Variants in FAM20C observed in about 807,000 individuals in gnomAD.
The protein encoded by FAM20C is extracellular serine/threonine protein kinase FAM20C.
FAM20C carries 40 observed loss-of-function variants against 51.5 expected under a neutral mutation model. The ratio of observed to expected loss-of-function variants is 0.78; its 90% CI spans 0.60 to 1.01. The LOEUF (loss-of-function observed/expected upper bound fraction) is 1.01, where lower values mean the gene tolerates loss of function less well. Among genes scored for constraint, FAM20C ranks in the 50% least tolerant of loss-of-function variants. FAM20C has a pLI of 0.00. For missense variants in FAM20C, 861 were observed against 844.7 expected (o/e 1.02, Z -0.24); for synonymous variants, 406 against 380.6 (o/e 1.07, Z -0.78).
At chr7:228,773 C>T (rs1235381022) in intron 3 of FAM20C, 7 of 456,120 alleles carry the variant, frequency 1.5e-5, no homozygotes, top group South Asian at 3.1e-5. Flanking sequence ...ACAGACGCCA[C>T]GACTCTCACG....
At chr7:258,160 GCA>G (rs1788696116) in intron 8 of FAM20C, among the ~76,000 whole-genome samples, 2 of 111,164 alleles carry the variant, frequency 1.8e-5, no homozygotes, top group African/African-American at 8.5e-5. Flanking sequence ...CTGGAGATAG[GCA>G]GGGTGGACCC....
chr7:223,988 G>A (rs60408385), intron 3 of FAM20C, among the ~76,000 whole-genome samples: 51,551 of 151,442 alleles, frequency 0.34, 9,243 homozygotes, highest in East Asian at 0.5. Context: ...TGTCTGCCCC[G>A]GGCTCCCGGC....
chr7:242,724 C>T (rs1229338050), intron 3 of FAM20C, among the ~76,000 whole-genome samples: 1 of 152,176 alleles, frequency 6.6e-6, no homozygotes, highest in East Asian at 1.9e-4. Context: ...GGTCACATTT[C>T]GAGTGTCCCA....
chr7:231,054 A>C (rs1787653382), intron 3 of FAM20C, among the ~76,000 whole-genome samples: 1 of 152,120 alleles, frequency 6.6e-6, no homozygotes, highest in Non-Finnish European at 1.5e-5. Flanking sequence ...CTGGGAGATG[A>C]TGCTGGAAGA....
In FAM20C at chr7:230,667, C is replaced by T. The variant is rs113444199; in HGVS notation, c.864-15748C>T. Among the ~76,000 whole-genome samples, 1,438 of 152,222 alleles carry T rather than the reference C, an allele frequency of 9.4e-3. 22 individuals carry two copies. The highest frequency in any genetic ancestry group is 0.031 in the African/African-American group (1,268 of 41,518). ...ATAGAGCCTGGTATTAGATGAGTCG[C>T]GATACAGAAAGCTCTGAGGATAGAG... On this transcript the variant is annotated intron_variant, in intron 3 of 9. Coordinates refer to ENST00000313766, the MANE Select transcript of FAM20C (RefSeq NM_020223.4).
intron 3 of FAM20C, among the ~76,000 whole-genome samples, chr7:231,055 T>C (rs1201881458): frequency 4.6e-5 from 7 of 152,078 alleles, no homozygotes; most frequent in Non-Finnish European, 2.9e-5. Context: ...TGGGAGATGA[T>C]GCTGGAAGAC....
In FAM20C at chr7:195,720, A is replaced by C. The variant is rs904847120; in HGVS notation, c.772A>C (p.Ile258Leu). Residue 258 changes from isoleucine (I) to leucine (L), a missense_variant, in exon 2 of 10, where the codon ATC becomes CTC. By Grantham distance (5) the Ile-to-Leu change is conservative. Coordinates refer to ENST00000313766, the MANE Select transcript of FAM20C (RefSeq NM_020223.4). The part of the protein sequence containing the change: ...ALLHDLSSQR[I>L]TSVAMKSGGT... The stretch of plus-strand genomic sequence containing the variant: ...GCTGCACGACCTCAGCTCCCAGAGG[A>C]TCACCAGCGTGGGTAGGTGTCCTTG... 6.2e-7 allele frequency: 1 copy of C among 1,605,854 alleles called. No homozygotes were observed. The highest frequency in any genetic ancestry group is 8.5e-7 in the Non-Finnish European group (1 of 1,175,782).
At chr7:257,745 T>C (rs373179888) in intron 8 of FAM20C, among the ~76,000 whole-genome samples, 10,454 of 92,624 alleles carry the variant, frequency 0.11, 735 homozygotes, top group African/African-American at 0.23. Context: ...ACCCACTGCC[T>C]GGGGTGCTGG....
At chr7:201,029 C>G (rs1051124425) in intron 2 of FAM20C, among the ~76,000 whole-genome samples, 1 of 152,200 alleles carries the variant, frequency 6.6e-6, no homozygotes, top group Admixed American at 6.5e-5. Flanking sequence ...TCTGGGACAC[C>G]GAGCAGACCT....
In FAM20C at chr7:228,481, C is replaced by T. The variant is rs764878207; in HGVS notation, c.864-17934C>T. 2.9e-4 allele frequency: 133 copies of T among 456,048 alleles called. 1 individual carries two copies. Among genetic ancestry groups the T allele is most frequent in the Middle Eastern group, 1.6e-3 (5 of 3,090 alleles). 28.3% of individuals were successfully genotyped at this position (456,048 alleles called of 1,614,324 possible). ...ACGGCTCAGTGTGGGGTCAACAAGC[C>T]AGGTCCGTGTCCCTGTCCCTCCCCT... is the stretch of plus-strand genomic sequence containing the variant. On this transcript the variant is annotated intron_variant, in intron 3 of 9. Coordinates refer to ENST00000313766, the MANE Select transcript of FAM20C (RefSeq NM_020223.4).
At chr7:227,583 A>AT (rs1787494556) in intron 3 of FAM20C, 1 of 151,862 alleles carries the variant, frequency 6.6e-6, no homozygotes, top group Non-Finnish European at 1.5e-5. Flanking sequence ...CCCTTTTATT[A>AT]CTTTGAAATG....
intron 3 of FAM20C, among the ~76,000 whole-genome samples, chr7:234,796 C>CA (rs1201181428): frequency 7.9e-5 from 12 of 152,196 alleles, no homozygotes; most frequent in African/African-American, 2.9e-4. Context: ...AGCCCCAGCC[C>CA]AGGCCCTCCC....
At position 230,044 on chromosome 7, in the gene FAM20C, G is replaced by A. The variant is rs570276886; in HGVS notation, c.864-16371G>A. On this transcript the variant is annotated intron_variant, in intron 3 of 9. Coordinates refer to ENST00000313766, the MANE Select transcript of FAM20C (RefSeq NM_020223.4). ...TCCGCGACCCTCTGGAAGGTGCCCC[G>A]AGTATCTCGGGCCCCGGCCGTGGAA... Among the ~76,000 whole-genome samples, 12 of 152,280 alleles carry A rather than the reference G, an allele frequency of 7.9e-5. No individual in the cohort carries two copies. The South Asian group carries it at 2.1e-3, about 26-fold the overall frequency.
chr7:201,392 T>C (rs900923511), intron 2 of FAM20C, among the ~76,000 whole-genome samples: 1 of 151,708 alleles, frequency 6.6e-6, no homozygotes, highest in African/African-American at 2.4e-5. Flanking sequence ...TAAAGTCAGG[T>C]TGGGGTTGTT....
chr7:206,545 G>A (rs549686313), intron 2 of FAM20C, among the ~76,000 whole-genome samples: 59 of 90,904 alleles, frequency 6.5e-4, no homozygotes, highest in East Asian at 4.0e-3. Flanking sequence ...CTGCACACGT[G>A]TCCACTGTGA....
intron 3 of FAM20C, among the ~76,000 whole-genome samples, chr7:244,488 G>C (rs1374133455): frequency 6.6e-6 from 1 of 152,232 alleles, no homozygotes; most frequent in African/African-American, 2.4e-5. Flanking sequence ...AAACCCGGGA[G>C]ATTCCACAAG....
chr7:195,362 T>C, intron 1 of FAM20C, 192 bp from the exon 2 acceptor site: 1 of 457,186 alleles, frequency 2.2e-6, no homozygotes, highest in Non-Finnish European at 3.8e-6. Context: ...ACCGTGTTAT[T>C]AGTTGGCAGC....
intron 2 of FAM20C, among the ~76,000 whole-genome samples, chr7:204,521 G>C (rs956761977): frequency 5.3e-5 from 8 of 152,268 alleles, no homozygotes; most frequent in African/African-American, 1.7e-4. Context: ...GTGACCCGGG[G>C]TGTGAGCTGT....
intron 3 of FAM20C, among the ~76,000 whole-genome samples, chr7:214,250 G>A (rs549562020): frequency 8.1e-4 from 124 of 152,158 alleles, no homozygotes; most frequent in African/African-American, 2.7e-3. Context: ...GCTTGAACCC[G>A]GGAGGCGGAG....
Sources: gnomAD v4.1 joint callset for allele counts (sites outside exome capture counted in the v4.1 genomes callset) on GRCh38, gnomAD v4.1.1 for gene constraint, MANE v1.5 for transcripts, NCBI Gene and HGNC (gene_info 2026-07-23, HGNC 2026-07-21) for gene names.